Variants in SNPH observed in about 807,000 individuals in gnomAD.
SNPH encodes the protein syntaphilin.
SNPH carries 10 observed loss-of-function variants against 36.8 expected under a neutral mutation model. The observed-to-expected ratio is 0.27, with a 90% CI of 0.17 to 0.46. The LOEUF (loss-of-function observed/expected upper bound fraction) is 0.46, where lower values mean the gene tolerates loss of function less well. Ranked by LOEUF, SNPH falls within the 20% of genes least tolerant of loss-of-function variation. SNPH has a pLI of 1.00. For synonymous variants in SNPH, 281 were observed against 312.2 expected (o/e 0.90, Z 1.05); for missense variants, 622 against 744.0 (o/e 0.84, Z 1.91).
Position 1,306,760 on chromosome 20 carries a change from C to G in SNPH, c.*706C>G, listed in dbSNP as rs1019951349. On this transcript the variant is annotated 3_prime_UTR_variant, in exon 7 of 7. Coordinates refer to ENST00000381867, the MANE Select transcript of SNPH (RefSeq NM_001318234.2). ...TTCATCCCAGGCTTTCCCGTCATCC[C>G]TTTCCTCTTGGCACTTCTGGGTGTG... is the stretch of plus-strand genomic sequence containing the variant. 3 of 152,830 alleles carry G rather than the reference C, an allele frequency of 2.0e-5. No individual in the cohort carries two copies. The highest frequency in any genetic ancestry group is 7.2e-5 in the African/African-American group (3 of 41,466). 9.5% of individuals were successfully genotyped at this position (152,830 alleles called of 1,614,324 possible).
chr20:1,299,115 T>G (rs752828158), intron 5 of SNPH, among the ~76,000 whole-genome samples: 1 of 152,050 alleles, frequency 6.6e-6, no homozygotes, highest in East Asian at 1.9e-4. Flanking sequence ...CGTGAGTACA[T>G]AGAAGAAAAC....
At position 1,298,852 on chromosome 20, in the gene SNPH, AT is replaced by A. The variant is rs34011198; in HGVS notation, c.290+1611del. Among the ~76,000 whole-genome samples the A allele has an allele frequency of 4.0e-4, 56 of 141,466 alleles. 1 individual carries two copies. The highest frequency in any genetic ancestry group is 1.6e-3 in the Admixed American group (22 of 14,170). 92.8% of individuals were successfully genotyped at this position (141,466 alleles called of 152,430 possible). A position where few individuals can be genotyped will look rare whatever the true frequency, so the allele number is the denominator to read the frequency against. ...TGTGTGTGTGTGTGTGTGTATACATATTTTTTTTTTTACAAAGAGCTAGTGA... is the reference window on the plus strand; with the variant it reads ...TGTGTGTGTGTGTGTGTGTATACATATTTTTTTTTTACAAAGAGCTAGTGA... On this transcript the variant is annotated intron_variant, in intron 5 of 6. Coordinates refer to ENST00000381867, the MANE Select transcript of SNPH (RefSeq NM_001318234.2).
At chr20:1,298,842 G>GTGTGTA (rs1263336398) in intron 5 of SNPH, among the ~76,000 whole-genome samples, 40 of 127,714 alleles carry the variant, frequency 3.1e-4, no homozygotes, top group Admixed American at 7.8e-5. Context: ...GTGTGTGTGT[G>GTGTGTA]TGTATACATA....
At position 1,305,497 on chromosome 20, in the gene SNPH, C is replaced by A; in HGVS notation, c.1060C>A (p.Gln354Lys). The A allele has an allele frequency of 1.2e-6, 2 of 1,613,200 alleles. No individual in the cohort carries two copies. Among genetic ancestry groups the A allele is most frequent in the Middle Eastern group, 1.6e-4 (1 of 6,062 alleles). ...GGCTGGTGTGCAGGCCAGCTGCATG[C>A]AGGAGCGTGCCATCCAGACAGACTT... ...MEAGVQASCMQERAIQTDFVQ... is the reference protein window; with the variant it reads ...MEAGVQASCMKERAIQTDFVQ... The change falls in exon 7 of 7, where the codon CAG becomes AAG. Residue 354 changes from glutamine (Q) to lysine (K), a missense_variant. This residue lies in a region of SNPH where 379 missense variants were observed against 427.9 expected (regional missense o/e 0.89). Transcript: ENST00000381867.
intron 2 of SNPH, among the ~76,000 whole-genome samples, chr20:1,279,500 A>G (rs953854331): frequency 6.6e-6 from 1 of 152,142 alleles, no homozygotes; most frequent in Non-Finnish European, 1.5e-5. Flanking sequence ...TTGCAAATAC[A>G]TTCTCCCAGT....
At chr20:1,288,619 C>CTTTTTTTTTTTTTTTTTTTT (rs201764007) in intron 2 of SNPH, among the ~76,000 whole-genome samples, 1 of 140,784 alleles carries the variant, frequency 7.1e-6, no homozygotes. Flanking sequence ...ATTTCTTTTT[C>CTTTTTTTTTTTTTTTTTTTT]TTTTTTTCTT....
Position 1,307,587 on chromosome 20 carries a change from T to G in SNPH, c.*1533T>G, listed in dbSNP as rs1209502053. ...TGGCCTAAGGGCCACTCTGGTTATC[T>G]GCCAAGGTTGCTTGCCCTCACCCCA... On this transcript the variant is annotated 3_prime_UTR_variant, in exon 7 of 7. Coordinates refer to ENST00000381867, the MANE Select transcript of SNPH (RefSeq NM_001318234.2). 1 of 152,666 alleles carries G rather than the reference T, an allele frequency of 6.6e-6. No homozygotes were observed. Among genetic ancestry groups the G allele is most frequent in the East Asian group, 1.9e-4 (1 of 5,206 alleles). 9.5% of individuals were successfully genotyped at this position (152,666 alleles called of 1,614,324 possible). A position where few individuals can be genotyped will look rare whatever the true frequency, so the allele number is the denominator to read the frequency against.
In SNPH at chr20:1,267,904, G is replaced by A. The variant is rs555079863; in HGVS notation, c.-493+1144G>A. 1.2e-4 allele frequency among the ~76,000 whole-genome samples: 19 copies of A among 152,316 alleles called. No individual in the cohort carries two copies. In the South Asian group the frequency reaches 2.5e-3, roughly 20 times the overall value. ...ATCTGTAAATCTAGGGGTACAGCCC[G>A]CAGAGGGCTGATGTGAAAATTAAAT... On this transcript the variant is annotated intron_variant, in intron 2 of 6. Coordinates refer to ENST00000381867, the MANE Select transcript of SNPH (RefSeq NM_001318234.2).
chr20:1,288,619 C>CTTTTTTTTTTTTT (rs201764007), intron 2 of SNPH, among the ~76,000 whole-genome samples: 2 of 140,784 alleles, frequency 1.4e-5, no homozygotes, highest in African/African-American at 2.6e-5. Flanking sequence ...ATTTCTTTTT[C>CTTTTTTTTTTTTT]TTTTTTTCTT....
chr20:1,283,057 A>G (rs56982547), intron 2 of SNPH, among the ~76,000 whole-genome samples: 37,062 of 152,090 alleles, frequency 0.24, 4,876 homozygotes, highest in South Asian at 0.37. Context: ...AGTGTTTGCC[A>G]GCAAGTGGGA....
At chr20:1,292,175 G>GATAA (rs397688836) in intron 2 of SNPH, among the ~76,000 whole-genome samples, 3 of 151,960 alleles carry the variant, frequency 2.0e-5, no homozygotes, top group African/African-American at 7.3e-5. Flanking sequence ...CTAAGGCATA[G>GATAA]CATCCTAAGT....
intron 2 of SNPH, among the ~76,000 whole-genome samples, chr20:1,277,357 G>A (rs2122261466): frequency 1.3e-5 from 2 of 152,148 alleles, no homozygotes; most frequent in South Asian, 4.1e-4. Flanking sequence ...TACTCTGTGT[G>A]TGTATGTGTA....
intron 2 of SNPH, among the ~76,000 whole-genome samples, chr20:1,279,588 A>T (rs2088190506): frequency 1.3e-5 from 2 of 149,452 alleles, no homozygotes; most frequent in South Asian, 4.2e-4. Flanking sequence ...ACACTGATAG[A>T]AAGACTGGTT....
chr20:1,281,034 G>T (rs753091564), intron 2 of SNPH, among the ~76,000 whole-genome samples: 1 of 152,136 alleles, frequency 6.6e-6, no homozygotes, highest in Non-Finnish European at 1.5e-5. Flanking sequence ...TTTAAGGTGG[G>T]TATATTGCCA....
In SNPH at chr20:1,279,870, A is replaced by T. The variant is rs1345295173; in HGVS notation, c.-493+13110A>T. Among the ~76,000 whole-genome samples the T allele has an allele frequency of 2.0e-5, 3 of 152,136 alleles. No individual in the cohort carries two copies. The East Asian group carries it at 5.8e-4, about 29-fold the overall frequency. On this transcript the variant is annotated intron_variant, in intron 2 of 6. Coordinates refer to ENST00000381867, the MANE Select transcript of SNPH (RefSeq NM_001318234.2). ...TCCTGTGACCCTGGGTGAGTAAGGTAACTTAGCATCCTTCATCTTGTGAAG... is the reference window on the plus strand; with the variant it reads ...TCCTGTGACCCTGGGTGAGTAAGGTTACTTAGCATCCTTCATCTTGTGAAG...
intron 6 of SNPH, among the ~76,000 whole-genome samples, chr20:1,302,919 C>T (rs927174461): frequency 6.6e-6 from 1 of 152,234 alleles, no homozygotes; most frequent in Non-Finnish European, 1.5e-5. Context: ...GCCTTTTGCA[C>T]TAATGCCTCA....
intron 6 of SNPH, among the ~76,000 whole-genome samples, chr20:1,301,172 G>A (rs1321611550): frequency 6.6e-6 from 1 of 152,172 alleles, no homozygotes; most frequent in Non-Finnish European, 1.5e-5. Context: ...CTCGACTTCA[G>A]GCCCCAGAAG....
At chr20:1,278,494 T>C (rs1449063603) in intron 2 of SNPH, among the ~76,000 whole-genome samples, 1 of 152,194 alleles carries the variant, frequency 6.6e-6, no homozygotes, top group Non-Finnish European at 1.5e-5. Context: ...AACATCTCCA[T>C]CGTCCCCAAA....
intron 2 of SNPH, among the ~76,000 whole-genome samples, chr20:1,279,618 C>CTTTTTTTT (rs1162325274): frequency 0.053 from 6,477 of 122,512 alleles, 380 homozygotes; most frequent in Non-Finnish European, 0.083. Context: ...ACTCCGGCTT[C>CTTTTTTTT]TTTTTTTTTT....
Sources: gnomAD v4.1 joint callset for allele counts (sites outside exome capture counted in the v4.1 genomes callset) on GRCh38, gnomAD v4.1.1 for gene constraint, gnomAD v4.1.1 regional missense constraint, MANE v1.5 for transcripts, NCBI Gene and HGNC (gene_info 2026-07-23, HGNC 2026-07-21) for gene names.